The following IGSF11 variants were observed in gnomAD, a reference collection of about 807,000 sequenced individuals.
IGSF11 encodes immunoglobulin superfamily member 11.
IGSF11 carries 22 observed loss-of-function variants against 41.0 expected under a neutral mutation model. That is an observed-to-expected ratio of 0.54 (90% confidence interval 0.38 to 0.77). The LOEUF is 0.77. IGSF11 is among the 30% of genes least tolerant of loss of function. The probability of loss-of-function intolerance (pLI) is 0.00; values close to 1 mark genes in which losing one functional copy is unlikely to be tolerated. For synonymous variants in IGSF11, 219 were observed against 201.3 expected (o/e 1.09, Z -0.74); for missense variants, 444 against 530.8 (o/e 0.84, Z 1.61).
intron 1 of IGSF11, among the ~76,000 whole-genome samples, chr3:118,946,415 G>T (rs1944144976): frequency 6.8e-6 from 1 of 147,626 alleles, no homozygotes; most frequent in Non-Finnish European, 1.5e-5. Flanking sequence ...CTTTACAACA[G>T]ATTTAATCTC....
chr3:119,143,775 C>T (rs1488478298), intron 1 of IGSF11, among the ~76,000 whole-genome samples: 2 of 151,976 alleles, frequency 1.3e-5, no homozygotes, highest in Non-Finnish European at 1.5e-5. Flanking sequence ...AAAAGATATG[C>T]CATGCAAATA....
chr3:118,901,987 A>G lies in IGSF11; in HGVS notation c.*533T>C, dbSNP rs1207866960. Reference sequence around the variant, plus strand: ...TTCTTACTGAATTTTGCTCATGTAAAAAGTTTTGATTATATGATAGAAGAG... The same window carrying G: ...TTCTTACTGAATTTTGCTCATGTAAGAAGTTTTGATTATATGATAGAAGAG... On this transcript the variant is annotated 3_prime_UTR_variant, in exon 7 of 7. Coordinates refer to ENST00000393775, the MANE Select transcript of IGSF11 (RefSeq NM_001015887.3). 1.3e-5 allele frequency: 2 copies of G among 152,224 alleles called. No individual in the cohort carries two copies. Among genetic ancestry groups the G allele is most frequent in the African/African-American group, 4.8e-5 (2 of 41,426 alleles). The allele number at this position is 152,224 out of a possible 1,614,324, so 9.4% of individuals were successfully genotyped here. A position where few individuals can be genotyped will look rare whatever the true frequency, so the allele number is the denominator to read the frequency against.
intron 1 of IGSF11, among the ~76,000 whole-genome samples, chr3:119,098,454 T>G (rs767366782): frequency 2.6e-5 from 4 of 152,216 alleles, no homozygotes; most frequent in Non-Finnish European, 4.4e-5. Flanking sequence ...ACAATTTTTT[T>G]CATGAAACAG....
chr3:119,132,567 A>G (rs1217982891), intron 1 of IGSF11, among the ~76,000 whole-genome samples: 1 of 152,144 alleles, frequency 6.6e-6, no homozygotes. Flanking sequence ...ACGCAGATTC[A>G]TAAAGCAAGT....
At chr3:119,075,485 C>A (rs1304376006) in intron 1 of IGSF11, among the ~76,000 whole-genome samples, 1 of 152,108 alleles carries the variant, frequency 6.6e-6, no homozygotes, top group African/African-American at 2.4e-5. Context: ...ATGAAGTTAG[C>A]ATCATTCTTA....
intron 1 of IGSF11, among the ~76,000 whole-genome samples, chr3:118,941,839 T>C (rs936238034): frequency 2.0e-5 from 3 of 152,130 alleles, no homozygotes; most frequent in Non-Finnish European, 4.4e-5. Flanking sequence ...ATGTTAAAGC[T>C]ATTGTGCTAA....
chr3:119,019,750 T>C (rs1939108359), intron 1 of IGSF11, among the ~76,000 whole-genome samples: 1 of 152,126 alleles, frequency 6.6e-6, no homozygotes, highest in Non-Finnish European at 1.5e-5. Flanking sequence ...ATTCTTTCCA[T>C]TGTTGCTGTT....
intron 1 of IGSF11, among the ~76,000 whole-genome samples, chr3:119,011,632 T>C (rs1476740219): frequency 6.6e-6 from 1 of 152,056 alleles, no homozygotes; most frequent in African/African-American, 2.4e-5. Flanking sequence ...TTTATAGAAA[T>C]ACTATATAAG....
chr3:119,134,205 T>C (rs952255393), intron 1 of IGSF11, among the ~76,000 whole-genome samples: 7 of 152,106 alleles, frequency 4.6e-5, no homozygotes, highest in Non-Finnish European at 7.3e-5. Flanking sequence ...GTGTTGGAAG[T>C]TCTGGCCAAG....
intron 1 of IGSF11, among the ~76,000 whole-genome samples, chr3:119,090,341 T>C (rs1396538341): frequency 2.6e-5 from 4 of 152,178 alleles, no homozygotes; most frequent in African/African-American, 9.7e-5. Flanking sequence ...GCTATTCCTA[T>C]CAAACTACCA....
At chr3:119,075,736 A>G (rs2076483394) in intron 1 of IGSF11, among the ~76,000 whole-genome samples, 4 of 152,188 alleles carry the variant, frequency 2.6e-5, no homozygotes, top group Admixed American at 2.6e-4. Flanking sequence ...CCAAATGATC[A>G]TCTCAATAGA....
intron 4 of IGSF11, 128 bp downstream of exon 4, chr3:118,925,973 A>G (rs1329067593): frequency 1.8e-6 from 1 of 563,972 alleles, no homozygotes; most frequent in African/African-American, 2.0e-5. Flanking sequence ...AAAACACAAA[A>G]TGATCCAGAA....
At chr3:118,921,102 A>G (rs760468767) in intron 4 of IGSF11, among the ~76,000 whole-genome samples, 2 of 152,106 alleles carry the variant, frequency 1.3e-5, no homozygotes, top group Non-Finnish European at 2.9e-5. Context: ...CTTACTCAAA[A>G]TTGCTGCTCC....
intron 1 of IGSF11, among the ~76,000 whole-genome samples, chr3:119,044,798 A>C (rs968245441): frequency 2.6e-5 from 4 of 152,218 alleles, no homozygotes; most frequent in African/African-American, 9.6e-5. Flanking sequence ...TGTATCCAGC[A>C]AAACTAAGCT....
intron 1 of IGSF11, among the ~76,000 whole-genome samples, chr3:119,078,106 A>G (rs866772310): frequency 1.3e-5 from 2 of 152,234 alleles, no homozygotes; most frequent in Admixed American, 1.3e-4. Context: ...AGAGCAATTT[A>G]CAGATTTAAT....
In IGSF11 at chr3:119,098,255, C is replaced by A. The variant is rs2076887548; in HGVS notation, c.49+6889G>T. On this transcript the variant is annotated intron_variant, in intron 1 of 6. Transcript: ENST00000354673. ...GCAGATTACTTAACCTTTTTTGTGCCTCTGTTTCCTGCCTGTAAAATGGGA... is the reference window on the plus strand; with the variant it reads ...GCAGATTACTTAACCTTTTTTGTGCATCTGTTTCCTGCCTGTAAAATGGGA... 2.0e-5 allele frequency among the ~76,000 whole-genome samples: 3 copies of A among 151,938 alleles called. No homozygotes were observed. The South Asian group carries it at 6.2e-4, about 31-fold the overall frequency.
rs1184234082 is a variant in IGSF11, at chr3:118,928,711, G to T, written c.222C>A (p.Ile74=). Residue 74 remains isoleucine (I), a synonymous_variant, in exon 3 of 7, where the codon ATC becomes ATA. Coordinates refer to ENST00000393775, the MANE Select transcript of IGSF11 (RefSeq NM_001015887.3). ...LSNANQPEQV[I]LYQGGQMFDG... is the part of the protein sequence containing the mutation. ...CAAACATCTGTCCACCCTGATACAGGATGACCTGGAAAAGAAAGCAAAATA... is the reference window on the plus strand; with the variant it reads ...CAAACATCTGTCCACCCTGATACAGTATGACCTGGAAAAGAAAGCAAAATA... 10 of 1,612,702 alleles carry T rather than the reference G, an allele frequency of 6.2e-6. No individual in the cohort carries two copies. The highest frequency in any genetic ancestry group is 8.5e-6 in the Non-Finnish European group (10 of 1,179,302).
intron 1 of IGSF11, among the ~76,000 whole-genome samples, chr3:119,145,331 T>C (rs2077706104): frequency 6.6e-6 from 1 of 152,188 alleles, no homozygotes; most frequent in South Asian, 2.1e-4. Flanking sequence ...ACTGGCCTAC[T>C]CCTGAAAGTA....
intron 1 of IGSF11, among the ~76,000 whole-genome samples, chr3:119,031,518 A>G (rs2107734761): frequency 6.6e-6 from 1 of 152,370 alleles, no homozygotes; most frequent in South Asian, 2.1e-4. Flanking sequence ...ACACATTTCA[A>G]AATCTGCCAC....
Sources: allele counts gnomAD v4.1 joint callset (sites outside exome capture counted in the v4.1 genomes callset), GRCh38; gene constraint gnomAD v4.1.1; transcripts MANE v1.5; gene names NCBI Gene and HGNC (gene_info 2026-07-23, HGNC 2026-07-21).